MYO15A: variants seen among roughly 807,000 people sequenced by gnomAD.
The protein encoded by MYO15A is myosin XVA.
In MYO15A, 308 loss-of-function variants were observed where a neutral mutation model predicts 394.6. The ratio of observed to expected loss-of-function variants is 0.78; its 90% CI spans 0.71 to 0.86. The LOEUF is 0.86. MYO15A is among the 40% of genes least tolerant of loss of function. The pLI, the probability that MYO15A is intolerant of heterozygous loss-of-function variation, is 0.00. For synonymous variants in MYO15A, 1,957 were observed against 2,003.8 expected (o/e 0.98, Z 0.62); for missense variants, 4,606 against 4,799.1 (o/e 0.96, Z 1.19).
chr17:18,126,718 T>C lies in MYO15A; in HGVS notation c.3867-73T>C, dbSNP rs9899727. 3.4e-4 allele frequency: 522 copies of C among 1,524,418 alleles called. 1 individual carries two copies. In the African/African-American group the frequency reaches 6.6e-3, roughly 19 times the overall value. 94.4% of individuals were successfully genotyped at this position (1,524,418 alleles called of 1,614,324 possible). A position where few individuals can be genotyped will look rare whatever the true frequency, so the allele number is the denominator to read the frequency against. On this transcript the variant is annotated intron_variant, in intron 5 of 65. Transcript: ENST00000647165. ...GATTGGCTGTTTGGCTGGATACGGA[T>C]GCTCCCTGCCCAATCCCTGGGAGGT...
At chr17:18,144,190 C>T (rs1440690634) in intron 28 of MYO15A, among the ~76,000 whole-genome samples, 190 bp downstream of exon 28, 1 of 152,202 alleles carries the variant, frequency 6.6e-6, no homozygotes, top group South Asian at 2.1e-4. Flanking sequence ...CCCTCAGGGG[C>T]TCGGGCAGGG....
chr17:18,132,329 C>G lies in MYO15A; in HGVS notation c.4207-124C>G. The G allele has an allele frequency of 1.3e-6, 1 of 754,512 alleles. No individual in the cohort carries two copies. The highest frequency in any genetic ancestry group is 1.5e-5 in the South Asian group (1 of 68,284). The allele number at this position is 754,512 out of a possible 1,614,324, so 46.7% of individuals were successfully genotyped here. On this transcript the variant is annotated intron_variant, in intron 10 of 65. Transcript: ENST00000647165. The surrounding 1 kb of genome is among the most constrained non-coding windows in gnomAD (Gnocchi z 4.6). The stretch of plus-strand genomic sequence containing the variant: ...GGGAGCCTCACCCATCACAGAGGCG[C>G]GTGTTCTCATCTGCAGCCCACTGTG...
In MYO15A at chr17:18,122,159, G is replaced by C. The variant is rs200738532; in HGVS notation, c.3359G>C (p.Arg1120Pro). The part of the protein sequence containing the change: ...APGRFAVVMP[R>P]VQKLSSFQRV... ...GGGCGTTTTGCTGTGGTCATGCCTCGTGTGCAGAAGCTGAGCTCTTTCCAG... is the reference window on the plus strand; with the variant it reads ...GGGCGTTTTGCTGTGGTCATGCCTCCTGTGCAGAAGCTGAGCTCTTTCCAG... Residue 1120 changes from arginine (R) to proline (P), a missense_variant, in exon 2 of 66, where the codon CGT (arginine) becomes CCT (proline). Coordinates refer to ENST00000647165, the MANE Select transcript of MYO15A (RefSeq NM_016239.4). The C allele has an allele frequency of 5.0e-6, 8 of 1,613,076 alleles. No individual in the cohort carries two copies. The highest frequency in any genetic ancestry group is 1.7e-5 in the Admixed American group (1 of 60,028).
intron 53 of MYO15A, 34 bp from the exon 54 acceptor site, chr17:18,159,240 CT>C: frequency 6.2e-7 from 1 of 1,609,336 alleles, no homozygotes; most frequent in South Asian, 1.1e-5. Flanking sequence ...TGACGTGTCC[CT>C]CCTCCATCAT....
At position 18,155,363 on chromosome 17, in the gene MYO15A, T is replaced by C; in HGVS notation, c.8390T>C (p.Ile2797Thr). 6.2e-7 allele frequency: 1 copy of C among 1,613,736 alleles called. No individual in the cohort carries two copies. Among genetic ancestry groups the C allele is most frequent in the Non-Finnish European group, 8.5e-7 (1 of 1,180,016 alleles). ...VQLLAVSHVG[I>T]KLLRMVKGGQ... ...CTCCTAGCTGTGTCCCACGTGGGCATCAAACTCCTGAGGATGGTCAAGGGT... is the reference window on the plus strand; with the variant it reads ...CTCCTAGCTGTGTCCCACGTGGGCACCAAACTCCTGAGGATGGTCAAGGGT... The change falls in exon 47 of 66, where the codon ATC (isoleucine) becomes ACC (threonine). Residue 2797 changes from isoleucine (I) to threonine (T), a missense_variant. Around this residue, in one of 2 missense-constraint regions of MYO15A, gnomAD observed 2,776 missense variants for 3,109.3 expected, o/e 0.89. Coordinates refer to ENST00000647165, the MANE Select transcript of MYO15A (RefSeq NM_016239.4).
intron 52 of MYO15A, 41 bp from the exon 53 acceptor site, chr17:18,158,884 C>T: frequency 1.9e-6 from 3 of 1,610,276 alleles, no homozygotes; most frequent in Non-Finnish European, 2.5e-6. Context: ...GTAGCCAAGG[C>T]TTGGGCAGGA....
intron 52 of MYO15A, 101 bp downstream of exon 52, chr17:18,158,739 T>G (rs768085087): frequency 1.4e-6 from 2 of 1,475,880 alleles, no homozygotes; most frequent in Non-Finnish European, 1.9e-6. Context: ...CCACTTCTGG[T>G]GGGAGAGATG....
At position 18,139,477 on chromosome 17, in the gene MYO15A, T is replaced by A; in HGVS notation, c.5134-57T>A. The A allele has an allele frequency of 2.6e-6, 4 of 1,562,642 alleles. No individual in the cohort carries two copies. The East Asian group carries it at 9.1e-5, about 35-fold the overall frequency. On this transcript the variant is annotated intron_variant, in intron 18 of 65. Transcript: ENST00000647165. ...GAAGTGAGGAGGATCCAGTCCCTCC[T>A]AGGATAGACAGAGAGACAGAGGCCA...
At position 18,120,879 on chromosome 17, in the gene MYO15A, C is replaced by G. The variant is rs1469691909; in HGVS notation, c.2079C>G (p.Pro693=). ...CGGGCCTGCCCCGGCCGGCCTCGCC[C>G]TACGGCTCCCTCCGCCGCCACCCGC... The part of the protein sequence containing the change: ...ALSGLPRPAS[P]YGSLRRHPPP... The change falls in exon 2 of 66, where the codon CCC becomes CCG. Residue 693 remains proline, a synonymous_variant. Transcript: ENST00000647165. 1 of 1,353,992 alleles carries G rather than the reference C, an allele frequency of 7.4e-7. No individual in the cohort carries two copies. Among genetic ancestry groups the G allele is most frequent in the South Asian group, 1.5e-5 (1 of 65,416 alleles). The allele number at this position is 1,353,992 out of a possible 1,614,324, so 83.9% of individuals were successfully genotyped here. A position where few individuals can be genotyped will look rare whatever the true frequency, so the allele number is the denominator to read the frequency against.
rs748374337 is a variant in MYO15A, at chr17:18,120,616, G to A, written c.1816G>A (p.Ala606Thr). The change falls in exon 2 of 66, where the codon GCC becomes ACC. Residue 606 changes from alanine to threonine, a missense_variant. This residue lies in a region of MYO15A where 1,830 missense variants were observed against 1,689.7 expected (regional missense o/e 1.08). Transcript: ENST00000647165. The stretch of plus-strand genomic sequence containing the variant: ...GGGCGGCCCTGCTGTCAGGGAGGCG[G>A]CCTACAAACGCTTCGGCTACAAGCT... The part of the protein sequence containing the change: ...RAGGPAVREA[A>T]YKRFGYKLAG... 1 of 1,596,906 alleles carries A rather than the reference G, an allele frequency of 6.3e-7. No homozygotes were observed. Among genetic ancestry groups the A allele is most frequent in the South Asian group, 1.1e-5 (1 of 89,214 alleles).
At position 18,116,929 on chromosome 17, in the gene MYO15A, A is replaced by AG. The variant is rs1555537266; in HGVS notation, c.-219-1653_-219-1652insG. 6.9e-3 allele frequency among the ~76,000 whole-genome samples: 910 copies of AG among 132,224 alleles called. 12 individuals are homozygous for AG. Among genetic ancestry groups the AG allele is most frequent in the African/African-American group, 0.026 (867 of 33,412 alleles). The allele number at this position is 132,224 out of a possible 152,430, so 86.7% of individuals were successfully genotyped here. ...AGCGAGACTCTGTCTCAAAAAAAAA[A>AG]AAAGAAAGAAAGAAAGAACATTGCC... On this transcript the variant is annotated intron_variant, in intron 1 of 65. Coordinates refer to ENST00000647165, the MANE Select transcript of MYO15A (RefSeq NM_016239.4).
Position 18,148,227 on chromosome 17 carries a change from C to T in MYO15A, c.6691+17C>T, listed in dbSNP as rs757848011. 1 of 1,613,180 alleles carries T rather than the reference C, an allele frequency of 6.2e-7. No homozygotes were observed. The highest frequency in any genetic ancestry group is 1.1e-5 in the South Asian group (1 of 91,020). On this transcript the variant is annotated intron_variant, in intron 31 of 65. Transcript: ENST00000647165. This position sits in a 1 kb window ranked among gnomAD's most constrained non-coding sequence, Gnocchi z 4.8. ...GCTTCAATGGTAAGCTGCCTTCCCC[C>T]ACCTCAGTGAGGGCAGTGGGAGTCA...
intron 65 of MYO15A, among the ~76,000 whole-genome samples, chr17:18,174,645 G>C (rs2046988593): frequency 6.6e-6 from 1 of 152,134 alleles, no homozygotes; most frequent in Non-Finnish European, 1.5e-5. Flanking sequence ...ATGACCTCTA[G>C]ACTCCTGTCC....
In MYO15A at chr17:18,170,427, C is replaced by T. The variant is rs552862231; in HGVS notation, c.10083-1211C>T. 1.6e-3 allele frequency among the ~76,000 whole-genome samples: 244 copies of T among 151,942 alleles called. 1 individual carries two copies. The highest frequency in any genetic ancestry group is 6.8e-3 in the Middle Eastern group (2 of 294). On this transcript the variant is annotated intron_variant, in intron 62 of 65. Coordinates refer to ENST00000647165, the MANE Select transcript of MYO15A (RefSeq NM_016239.4). The stretch of plus-strand genomic sequence containing the variant: ...AGACTGGAGTGCAGTGACCCCATCA[C>T]GGCTCACTGCAGCCTTGACCTCTTG...
Position 18,156,836 on chromosome 17 carries a change from C to T in MYO15A, c.8602-118C>T, listed in dbSNP as rs532578713. ...CCAGAATGCCCTTCCCTCTTCTCAC[C>T]TAATGAAGGCTCCCTTCCCTGATGA... On this transcript the variant is annotated intron_variant, in intron 48 of 65. Transcript: ENST00000647165. 1.1e-4 allele frequency: 100 copies of T among 917,714 alleles called. 1 individual carries two copies. The South Asian group carries it at 1.3e-3, about 12-fold the overall frequency. The allele number at this position is 917,714 out of a possible 1,614,324, so 56.8% of individuals were successfully genotyped here. A position where few individuals can be genotyped will look rare whatever the true frequency, so the allele number is the denominator to read the frequency against.
chr17:18,161,479 G>T (rs770513118), intron 57 of MYO15A, 32 bp downstream of exon 57: 2 of 1,611,190 alleles, frequency 1.2e-6, no homozygotes, highest in East Asian at 2.2e-5. Flanking sequence ...ACCCAGGGCT[G>T]CATGCTTCTC....
Position 18,124,522 on chromosome 17 carries a change from G to A in MYO15A, c.3649G>A (p.Glu1217Lys), listed in dbSNP as rs775376666. The A allele has an allele frequency of 3.1e-6, 5 of 1,613,032 alleles. No homozygotes were observed. In the African/African-American group the frequency reaches 4.0e-5, roughly 13 times the overall value. ...IRNLPSMRFR[E>K]QHGEDGVEDM... is the part of the protein sequence containing the mutation. ...CAACCTGCCATCCATGCGGTTCCGTGAGCAGCACGGGGAGGATGGTGTGGA... is the reference window on the plus strand; with the variant it reads ...CAACCTGCCATCCATGCGGTTCCGTAAGCAGCACGGGGAGGATGGTGTGGA... The change falls in exon 3 of 66, where the codon GAG (glutamate) becomes AAG (lysine). Residue 1217 changes from glutamate to lysine, a missense_variant. By Grantham distance (56) the Glu-to-Lys change is moderately conservative. Around this residue, in one of 2 missense-constraint regions of MYO15A, gnomAD observed 2,776 missense variants for 3,109.3 expected, o/e 0.89. Coordinates refer to ENST00000647165, the MANE Select transcript of MYO15A (RefSeq NM_016239.4).
chr17:18,151,178 G>C lies in MYO15A; in HGVS notation c.7542G>C (p.Leu2514=), dbSNP rs1462054699. Residue 2514 remains leucine, a synonymous_variant, in exon 39 of 66, where the codon CTG becomes CTC. Coordinates refer to ENST00000647165, the MANE Select transcript of MYO15A (RefSeq NM_016239.4). ...GTCCCCCTGCCAAACCCGTGCTCCT[G>C]CGTGCCACTCCAAAGCCCTTGGCCC... ...GTGPPAKPVL[L]RATPKPLAPA... 1 of 1,614,046 alleles carries C rather than the reference G, an allele frequency of 6.2e-7. No homozygotes were observed. The highest frequency in any genetic ancestry group is 8.5e-7 in the Non-Finnish European group (1 of 1,180,020).
chr17:18,178,378 A>G, intron 65 of MYO15A: 3 of 324,672 alleles, frequency 9.2e-6, no homozygotes, highest in East Asian at 7.3e-5. Context: ...AGGAAAAAAA[A>G]AAAAAGAATT....
Sources: gnomAD v4.1 joint callset for allele counts (sites outside exome capture counted in the v4.1 genomes callset) on GRCh38, gnomAD v4.1.1 for gene constraint, gnomAD v4.1.1 regional missense constraint, Gnocchi (gnomAD v3.1) non-coding constraint, MANE v1.5 for transcripts, NCBI Gene and HGNC (gene_info 2026-07-23, HGNC 2026-07-21) for gene names.